Variants in MORN1 observed in about 807,000 individuals in gnomAD.
MORN1 encodes the protein MORN repeat containing 1, also known as MORN repeat-containing protein 1.
Under a neutral mutation model 61.9 loss-of-function variants are expected in MORN1, and 67 were observed. The ratio of observed to expected loss-of-function variants is 1.08; its 90% CI spans 0.89 to 1.33. The LOEUF is 1.33. Ranked by LOEUF, MORN1 falls within the 40% of genes most tolerant of loss-of-function variation. The probability of loss-of-function intolerance (pLI) is 0.00; values close to 1 mark genes in which losing one functional copy is unlikely to be tolerated. For missense variants in MORN1, 752 were observed against 691.2 expected (o/e 1.09, Z -0.99); for synonymous variants, 301 against 292.0 (o/e 1.03, Z -0.31).
chr1:2,329,268 G>A (rs944648266), intron 12 of MORN1, among the ~76,000 whole-genome samples: 18 of 152,178 alleles, frequency 1.2e-4, no homozygotes, highest in African/African-American at 4.3e-4. Flanking sequence ...GTTCCCGCCC[G>A]GCCCTCACAC....
chr1:2,385,172 G>A, intron 5 of MORN1, 107 bp from the exon 6 acceptor site: 1 of 1,144,632 alleles, frequency 8.7e-7, no homozygotes, highest in Non-Finnish European at 1.3e-6. Flanking sequence ...CGGGACCGAG[G>A]CAAAAATAGG....
intron 8 of MORN1, chr1:2,363,687 C>A (rs1185008300): frequency 2.0e-5 from 3 of 151,104 alleles, no homozygotes; most frequent in Non-Finnish European, 4.4e-5. Flanking sequence ...ATTACTTGAG[C>A]CCAGGAGGTC....
intron 12 of MORN1, among the ~76,000 whole-genome samples, chr1:2,331,607 A>G (rs1216487689): frequency 6.6e-6 from 1 of 152,146 alleles, no homozygotes; most frequent in South Asian, 2.1e-4. Context: ...GAGGGCAGAC[A>G]TGGCCTCTGT....
chr1:2,378,314 C>T (rs573064193), intron 6 of MORN1: 1 of 152,954 alleles, frequency 6.5e-6, no homozygotes, highest in African/African-American at 2.4e-5. Flanking sequence ...CATGCGTGCT[C>T]AAACACCCCA....
Position 2,366,366 on chromosome 1 carries a change from T to C in MORN1, c.745+6115A>G, listed in dbSNP as rs190842530. ...GTGGGAGGGATAGCTTTAGGAGATA[T>C]ACTTAATGCTAAATGACCAGTTAAT... On this transcript the variant is annotated intron_variant, in intron 8 of 13. Transcript: ENST00000378531. 3.8e-3 allele frequency among the ~76,000 whole-genome samples: 571 copies of C among 152,122 alleles called. 5 individuals are homozygous for C. The highest frequency in any genetic ancestry group is 0.013 in the African/African-American group (522 of 41,466).
rs1641232231 is a variant in MORN1 at position 2,334,830 on chromosome 1, C to T, written c.1250+1639G>A. Among the ~76,000 whole-genome samples, 1 of 152,218 alleles carries T rather than the reference C, an allele frequency of 6.6e-6. No homozygotes were observed. Among genetic ancestry groups the T allele is most frequent in the African/African-American group, 2.4e-5 (1 of 41,456 alleles). ...CTCTCAGGTGGAAAAGAACGAAAGC[C>T]TTCTTTCTGCTGAAATAAGACGTTC... On this transcript the variant is annotated intron_variant, in intron 12 of 13. Coordinates refer to ENST00000378531, the MANE Select transcript of MORN1 (RefSeq NM_024848.3). This position sits in a 1 kb window ranked among gnomAD's most constrained non-coding sequence, Gnocchi z 5.4.
chr1:2,376,722 C>A (rs1028298687), intron 6 of MORN1: 1 of 152,142 alleles, frequency 6.6e-6, no homozygotes, highest in African/African-American at 2.4e-5. Context: ...CGGTACCCAC[C>A]GCTGGTGTCC....
rs1318089838 is a variant in MORN1, at chr1:2,357,759, T to C, written c.870-161A>G. ...AGGTCTCCTGCTGGGATGGGGCCAGTTGAGGCCCAGAGAGAAAAAAGACTC... is the reference window on the plus strand; with the variant it reads ...AGGTCTCCTGCTGGGATGGGGCCAGCTGAGGCCCAGAGAGAAAAAAGACTC... On this transcript the variant is annotated intron_variant, in intron 9 of 13. Transcript: ENST00000378531. The surrounding 1 kb of genome is among the most constrained non-coding windows in gnomAD (Gnocchi z 6.3). Among the ~76,000 whole-genome samples the C allele has an allele frequency of 6.6e-6, 1 of 152,096 alleles. No individual in the cohort carries two copies. The highest frequency in any genetic ancestry group is 1.5e-5 in the Non-Finnish European group (1 of 68,020).
intron 10 of MORN1, among the ~76,000 whole-genome samples, chr1:2,356,063 A>AG (rs1168692718): frequency 6.6e-6 from 1 of 152,202 alleles, no homozygotes; most frequent in Non-Finnish European, 1.5e-5. Context: ...CCAGTGCGGC[A>AG]GCCAGGTCGG....
intron 12 of MORN1, among the ~76,000 whole-genome samples, chr1:2,324,856 C>T: frequency 6.6e-6 from 1 of 152,014 alleles, no homozygotes; most frequent in Non-Finnish European, 1.5e-5. Context: ...CGCCTCGGGG[C>T]ACCCACGGGC....
intron 10 of MORN1, chr1:2,351,984 C>A: frequency 1.9e-6 from 1 of 514,538 alleles, no homozygotes; most frequent in Non-Finnish European, 3.7e-6. Context: ...AGGCATGCCC[C>A]CTCCAGGAAT....
intron 2 of MORN1, among the ~76,000 whole-genome samples, chr1:2,389,043 C>G (rs1245730925): frequency 1.4e-5 from 2 of 145,956 alleles, no homozygotes; most frequent in African/African-American, 5.1e-5. Flanking sequence ...ACCTGGGAGC[C>G]GGAGGTTGCA....
intron 13 of MORN1, chr1:2,322,366 G>C (rs1275185295): frequency 1.0e-6 from 1 of 985,438 alleles, no homozygotes; most frequent in Non-Finnish European, 1.2e-6. Context: ...TGAAATGGGG[G>C]CAGGAGTCGG....
chr1:2,348,536 C>T (rs1641564338), intron 10 of MORN1, among the ~76,000 whole-genome samples: 1 of 152,218 alleles, frequency 6.6e-6, no homozygotes, highest in Non-Finnish European at 1.5e-5. Flanking sequence ...CCGCTCCTGC[C>T]TGCTGGGGAG....
At chr1:2,359,142 G>A (rs1022939270) in intron 8 of MORN1, among the ~76,000 whole-genome samples, 2 of 152,150 alleles carry the variant, frequency 1.3e-5, no homozygotes, top group African/African-American at 4.8e-5. Context: ...GGTCAGGGGC[G>A]TGGGGTGGCA....
intron 10 of MORN1, among the ~76,000 whole-genome samples, chr1:2,342,849 T>TTTATTTTATTTTA (rs1641425160): frequency 9.7e-6 from 1 of 102,628 alleles, no homozygotes; most frequent in Non-Finnish European, 2.0e-5. Context: ...TATATTTTAT[T>TTTATTTTATTTTA]TTATTTTATT....
rs980324794 is a variant in MORN1, at chr1:2,355,018, T to C, written c.1036+2414A>G. 3.3e-5 allele frequency among the ~76,000 whole-genome samples: 5 copies of C among 152,286 alleles called. 1 individual carries two copies. Among genetic ancestry groups the C allele is most frequent in the Admixed American group, 3.3e-4 (5 of 15,302 alleles). On this transcript the variant is annotated intron_variant, in intron 10 of 13. Coordinates refer to ENST00000378531, the MANE Select transcript of MORN1 (RefSeq NM_024848.3). ...AAGCCAGAAACAGCCTGAGCCGGGC[T>C]GAGAGTCGGGGGAGGCCCCCCAGGT...
intron 10 of MORN1, among the ~76,000 whole-genome samples, chr1:2,346,940 G>A (rs1027754824): frequency 6.6e-6 from 1 of 152,200 alleles, no homozygotes; most frequent in Non-Finnish European, 1.5e-5. Flanking sequence ...GAAGGCCACC[G>A]TCCCGCTGGC....
rs577892163 is a variant in MORN1 at position 2,325,478 on chromosome 1, C to T, written c.1251-1335G>A. ...AGGAGTGTGGAGTGTGCCACCATGCCCATGGGACCACAGGAGTGTGCCACC... is the reference window on the plus strand; with the variant it reads ...AGGAGTGTGGAGTGTGCCACCATGCTCATGGGACCACAGGAGTGTGCCACC... On this transcript the variant is annotated intron_variant, in intron 12 of 13. Coordinates refer to ENST00000378531, the MANE Select transcript of MORN1 (RefSeq NM_024848.3). Among the ~76,000 whole-genome samples the T allele has an allele frequency of 8.0e-5, 12 of 150,850 alleles. No individual in the cohort carries two copies. In the South Asian group the frequency reaches 2.5e-3, roughly 32 times the overall value.
Sources: allele counts gnomAD v4.1 joint callset (sites outside exome capture counted in the v4.1 genomes callset), GRCh38; gene constraint gnomAD v4.1.1; non-coding constraint Gnocchi (gnomAD v3.1); transcripts MANE v1.5; gene names NCBI Gene and HGNC (gene_info 2026-07-23, HGNC 2026-07-21).